Variants in ALMS1 observed in about 807,000 individuals in gnomAD.
ALMS1 encodes ALMS1 centrosome and basal body associated protein.
A neutral mutation model predicts 352.2 loss-of-function variants in ALMS1; 271 were observed. The observed-to-expected ratio is 0.77, with a 90% CI of 0.70 to 0.85. The LOEUF is 0.85. ALMS1 is among the 40% of genes least tolerant of loss of function. ALMS1 has a pLI of 0.00. For synonymous variants in ALMS1, 1,865 were observed against 1,761.2 expected (o/e 1.06, Z -1.48); for missense variants, 5,445 against 4,870.7 (o/e 1.12, Z -3.51).
chr2:73,451,125 T>A lies in ALMS1; in HGVS notation c.4598T>A (p.Phe1533Tyr). Reference protein sequence around the residue: ...YSQHRAKSGSFYQLALLGSQI... With the variant: ...YSQHRAKSGSYYQLALLGSQI... ...CAACATAGAGCAAAGTCTGGCAGTT[T>A]CTACCAACTGGCATTGCTAGGTAGT... is the stretch of plus-strand genomic sequence containing the variant. The change falls in exon 8 of 23, where the codon TTC (phenylalanine) becomes TAC (tyrosine). Residue 1533 changes from phenylalanine (F) to tyrosine (Y), a missense_variant. Physicochemically the swap from Phe to Tyr is conservative, Grantham distance 22 (BLOSUM62 3). Coordinates refer to ENST00000613296, the MANE Select transcript of ALMS1 (RefSeq NM_001378454.1). The A allele has an allele frequency of 1.9e-6, 3 of 1,613,840 alleles. No individual in the cohort carries two copies. The highest frequency in any genetic ancestry group is 2.5e-6 in the Non-Finnish European group (3 of 1,179,938).
intron 14 of ALMS1, 123 bp downstream of exon 14, chr2:73,557,477 A>G: frequency 8.7e-6 from 11 of 1,259,032 alleles, no homozygotes; most frequent in Non-Finnish European, 1.2e-5. Flanking sequence ...GCTCTCTTCT[A>G]TCTCATGTAT....
chr2:73,516,416 C>G (rs1023139139), intron 10 of ALMS1, among the ~76,000 whole-genome samples: 3 of 152,212 alleles, frequency 2.0e-5, no homozygotes, highest in Non-Finnish European at 2.9e-5. Flanking sequence ...AACAGAACTA[C>G]CATTCAACTC....
intron 9 of ALMS1, among the ~76,000 whole-genome samples, chr2:73,488,028 C>A (rs1351673827): frequency 6.6e-6 from 1 of 152,148 alleles, no homozygotes; most frequent in African/African-American, 2.4e-5. Context: ...ATGGGCAGGC[C>A]CGGAAAAAGC....
intron 16 of ALMS1, among the ~76,000 whole-genome samples, chr2:73,597,248 T>C (rs1415381779): frequency 1.3e-5 from 2 of 152,198 alleles, no homozygotes; most frequent in Non-Finnish European, 2.9e-5. Flanking sequence ...AATGTAGATA[T>C]ACAATTGATT....
At position 73,419,244 on chromosome 2, in the gene ALMS1, A is replaced by C; in HGVS notation, c.572A>C (p.Glu191Ala). ...GAAGTGACAGACTTCCCCTCTCTGG[A>C]GGAGGGCATATTGACGCAATCAGAA... Reference protein sequence around the residue: ...DTEVTDFPSLEEGILTQSENQ... With the variant: ...DTEVTDFPSLAEGILTQSENQ... Residue 191 changes from glutamate to alanine, a missense_variant, in exon 3 of 23, where the codon GAG becomes GCG. Coordinates refer to ENST00000613296, the MANE Select transcript of ALMS1 (RefSeq NM_001378454.1). 6.2e-7 allele frequency: 1 copy of C among 1,614,032 alleles called. No individual in the cohort carries two copies. The highest frequency in any genetic ancestry group is 8.5e-7 in the Non-Finnish European group (1 of 1,179,926).
intron 11 of ALMS1, among the ~76,000 whole-genome samples, chr2:73,528,322 G>A (rs1673836558): frequency 6.6e-6 from 1 of 152,156 alleles, no homozygotes; most frequent in Non-Finnish European, 1.5e-5. Flanking sequence ...AAAGCGGGGT[G>A]TTGAAGTTTA....
Position 73,392,335 on chromosome 2 carries a change from A to G in ALMS1, c.324+6143A>G, listed in dbSNP as rs193172188. On this transcript the variant is annotated intron_variant, in intron 1 of 22. Coordinates refer to ENST00000613296, the MANE Select transcript of ALMS1 (RefSeq NM_001378454.1). ...TGAGTGCTTAATTGACTTACTTAAA[A>G]ACATTTTAATAGCTTTTTTGAGATA... 2.0e-5 allele frequency among the ~76,000 whole-genome samples: 3 copies of G among 151,298 alleles called. No individual in the cohort carries two copies. The East Asian group carries it at 5.8e-4, about 29-fold the overall frequency.
At chr2:73,561,000 T>G (rs1674650081) in intron 15 of ALMS1, among the ~76,000 whole-genome samples, 1 of 152,140 alleles carries the variant, frequency 6.6e-6, no homozygotes, top group Non-Finnish European at 1.5e-5. Flanking sequence ...CAAAAGGGGA[T>G]GGGCTAGCTT....
intron 11 of ALMS1, among the ~76,000 whole-genome samples, chr2:73,523,340 G>C (rs927432474): frequency 6.6e-6 from 1 of 152,146 alleles, no homozygotes; most frequent in South Asian, 2.1e-4. Context: ...TCAACCTTTT[G>C]TCTCATTTCC....
intron 9 of ALMS1, among the ~76,000 whole-genome samples, chr2:73,472,329 TTG>T (rs1364101952): frequency 1.3e-5 from 2 of 152,024 alleles, no homozygotes; most frequent in Admixed American, 1.3e-4. Context: ...CAAAAAGTAT[TTG>T]GGAATAAAAA....
At chr2:73,475,940 A>ATATG (rs141755280) in intron 9 of ALMS1, among the ~76,000 whole-genome samples, 9,098 of 152,092 alleles carry the variant, frequency 0.06, 654 homozygotes, top group African/African-American at 0.16. Flanking sequence ...ATTGTTAAGT[A>ATATG]TATGGTTCAG....
chr2:73,500,700 T>C lies in ALMS1; in HGVS notation c.9539+9202T>C, dbSNP rs557768356. ...TGAAGTCTTTCTCTCTATGCTAATA[T>C]CCACTTTTAGGTTTCAGGCTATATT... On this transcript the variant is annotated intron_variant, in intron 10 of 22. Coordinates refer to ENST00000613296, the MANE Select transcript of ALMS1 (RefSeq NM_001378454.1). Among the ~76,000 whole-genome samples the C allele has an allele frequency of 3.9e-5, 6 of 152,244 alleles. No homozygotes were observed. The East Asian group carries it at 1.2e-3, about 29-fold the overall frequency.
At chr2:73,591,907 C>T (rs1675442176) in intron 16 of ALMS1, among the ~76,000 whole-genome samples, 1 of 152,178 alleles carries the variant, frequency 6.6e-6, no homozygotes, top group Non-Finnish European at 1.5e-5. Flanking sequence ...TCTGGTTTTC[C>T]TGTGAGTTAA....
chr2:73,440,440 C>T (rs1453650486), intron 7 of ALMS1, among the ~76,000 whole-genome samples: 8 of 152,260 alleles, frequency 5.3e-5, no homozygotes, highest in East Asian at 3.9e-4. Flanking sequence ...CCCTCTCTCT[C>T]GCGTTCGCTG....
intron 5 of ALMS1, 61 bp from the exon 6 acceptor site, chr2:73,426,392 G>A (rs918426124): frequency 6.5e-7 from 1 of 1,548,730 alleles, no homozygotes; most frequent in African/African-American, 1.4e-5. Flanking sequence ...TCCTTCGTGT[G>A]TGGGAGCTGA....
chr2:73,421,838 GT>G (rs1671290523), intron 3 of ALMS1, among the ~76,000 whole-genome samples: 1 of 152,176 alleles, frequency 6.6e-6, no homozygotes, highest in Admixed American at 6.6e-5. Context: ...AGGGGGAACA[GT>G]AATGTGAGAG....
At chr2:73,484,410 C>T (rs1343768760) in intron 9 of ALMS1, among the ~76,000 whole-genome samples, 1 of 151,454 alleles carries the variant, frequency 6.6e-6, no homozygotes, top group African/African-American at 2.4e-5. Flanking sequence ...CCCCCACTCT[C>T]TTCTGGCTTA....
intron 1 of ALMS1, among the ~76,000 whole-genome samples, chr2:73,386,720 T>C (rs1670542892): frequency 2.0e-5 from 3 of 152,026 alleles, no homozygotes; most frequent in South Asian, 4.1e-4. Flanking sequence ...CCCCAGCCGA[T>C]AGGAGGGGCT....
At chr2:73,589,964 A>G (rs558342558) in intron 16 of ALMS1, among the ~76,000 whole-genome samples, 1 of 152,024 alleles carries the variant, frequency 6.6e-6, no homozygotes, top group South Asian at 2.1e-4. Flanking sequence ...GAAAATTTCC[A>G]TTTCTACTTC....
Sources: gnomAD v4.1 joint callset for allele counts (sites outside exome capture counted in the v4.1 genomes callset) on GRCh38, gnomAD v4.1.1 for gene constraint, MANE v1.5 for transcripts, NCBI Gene and HGNC (gene_info 2026-07-23, HGNC 2026-07-21) for gene names.